The following IFT43 variants were observed in gnomAD, a reference collection of about 807,000 sequenced individuals.
IFT43 encodes the protein intraflagellar transport 43, also known as intraflagellar transport protein 43 homolog.
IFT43 carries 33 observed loss-of-function variants against 32.3 expected under a neutral mutation model. The ratio of observed to expected loss-of-function variants is 1.02; its 90% confidence interval spans 0.77 to 1.37. The LOEUF (loss-of-function observed/expected upper bound fraction) is 1.37. Among genes scored for constraint, IFT43 ranks in the 40% most tolerant of loss-of-function variants. The pLI, the probability that IFT43 is intolerant of heterozygous loss-of-function variation, is 0.00. For synonymous variants in IFT43, 93 were observed against 98.2 expected (o/e 0.95, Z 0.31); for missense variants, 274 against 265.9 (o/e 1.03, Z -0.21).
At chr14:75,989,211 CT>C (rs1413536504) in intron 2 of IFT43, among the ~76,000 whole-genome samples, 1 of 152,118 alleles carries the variant, frequency 6.6e-6, no homozygotes, top group Non-Finnish European at 1.5e-5. Context: ...TAATGTAGAA[CT>C]TTTTATGTTA....
At position 76,058,622 on chromosome 14, in the gene IFT43, C is replaced by A. The variant is rs1340938691; in HGVS notation, c.216-20C>A. 1 of 1,591,386 alleles carries A rather than the reference C, an allele frequency of 6.3e-7. No individual in the cohort carries two copies. The highest frequency in any genetic ancestry group is 8.5e-7 in the Non-Finnish European group (1 of 1,171,900). On this transcript the variant is annotated intron_variant, in intron 3 of 8. Transcript: ENST00000314067. ...ACTAGTGGGCTCTCAAAAACCTTGT[C>A]TTTTCTTTTTTTTTTTCAGGTTTAG...
intron 5 of IFT43, among the ~76,000 whole-genome samples, chr14:76,077,406 C>T (rs2037430777): frequency 6.6e-6 from 1 of 152,194 alleles, no homozygotes; most frequent in Admixed American, 6.5e-5. Context: ...TGACATGGCT[C>T]TTCTGTGTGT....
intron 5 of IFT43, among the ~76,000 whole-genome samples, chr14:76,073,588 C>T (rs189963596): frequency 1.6e-4 from 24 of 152,108 alleles, no homozygotes; most frequent in Admixed American, 1.0e-3. Context: ...TGTGTGTGTG[C>T]GCATGTGCAC....
intron 3 of IFT43, among the ~76,000 whole-genome samples, chr14:76,041,468 A>G (rs1009747441): frequency 1.2e-4 from 19 of 152,186 alleles, no homozygotes; most frequent in Non-Finnish European, 2.2e-4. Context: ...GTGAAATTCT[A>G]GTGTTTCTGT....
At chr14:76,021,679 A>C (rs1429045393) in intron 2 of IFT43, among the ~76,000 whole-genome samples, 3 of 152,142 alleles carry the variant, frequency 2.0e-5, no homozygotes, top group Non-Finnish European at 4.4e-5. Context: ...GCTATTCACT[A>C]CTCAAAAATA....
At chr14:76,071,415 T>C (rs550759287) in intron 5 of IFT43, among the ~76,000 whole-genome samples, 102 of 152,340 alleles carry the variant, frequency 6.7e-4, no homozygotes, top group Non-Finnish European at 9.7e-4. Flanking sequence ...ACCAAAACTT[T>C]ATGAAGTTAA....
chr14:75,993,041 C>T (rs2035673306), intron 2 of IFT43, among the ~76,000 whole-genome samples: 1 of 152,124 alleles, frequency 6.6e-6, no homozygotes, highest in South Asian at 2.1e-4. Context: ...ATATTCCATA[C>T]TTCATAGGAT....
chr14:76,022,749 A>AT (rs895850516), intron 3 of IFT43: 92 of 172,842 alleles, frequency 5.3e-4, no homozygotes, highest in African/African-American at 2.1e-3. Context: ...TACAATCTAC[A>AT]TTATGTGGTC....
intron 2 of IFT43, among the ~76,000 whole-genome samples, chr14:76,006,855 ATTTT>A (rs35845700): frequency 8.0e-6 from 1 of 124,428 alleles, no homozygotes; most frequent in African/African-American, 3.0e-5. Context: ...TACTGGGGAC[ATTTT>A]TTTTTTTTTT....
intron 5 of IFT43, among the ~76,000 whole-genome samples, chr14:76,079,343 C>T (rs1382388674): frequency 6.6e-6 from 1 of 152,148 alleles, no homozygotes; most frequent in African/African-American, 2.4e-5. Context: ...CGGTGAAGTC[C>T]ATAAGAATGG....
intron 2 of IFT43, among the ~76,000 whole-genome samples, chr14:76,012,602 C>T (rs1302104705): frequency 2.0e-5 from 3 of 152,178 alleles, no homozygotes; most frequent in East Asian, 3.8e-4. Context: ...CAGGGTCCTG[C>T]CCCCTCCGTC....
At chr14:75,991,707 T>C (rs2035646968) in intron 2 of IFT43, among the ~76,000 whole-genome samples, 1 of 152,174 alleles carries the variant, frequency 6.6e-6, no homozygotes, top group Non-Finnish European at 1.5e-5. Flanking sequence ...TACCTACTTA[T>C]TTCGAGGTTT....
intron 3 of IFT43, among the ~76,000 whole-genome samples, chr14:76,051,406 G>T (rs947576273): frequency 2.6e-5 from 4 of 151,856 alleles, no homozygotes; most frequent in Non-Finnish European, 5.9e-5. Context: ...AGAGCAGAGG[G>T]ACCCCAATTA....
chr14:76,050,320 A>C (rs1019670070), intron 3 of IFT43, among the ~76,000 whole-genome samples: 2 of 152,174 alleles, frequency 1.3e-5, no homozygotes, highest in Non-Finnish European at 2.9e-5. Flanking sequence ...TGGAGCCTTC[A>C]TTAGATCTCT....
At chr14:75,992,886 A>G (rs1014037609) in intron 2 of IFT43, among the ~76,000 whole-genome samples, 1 of 152,176 alleles carries the variant, frequency 6.6e-6, no homozygotes, top group African/African-American at 2.4e-5. Flanking sequence ...GCGTTTCTTA[A>G]GAGTCTGTAA....
chr14:76,028,285 G>A (rs76176518), intron 3 of IFT43, among the ~76,000 whole-genome samples: 2,141 of 152,112 alleles, frequency 0.014, 55 homozygotes, highest in African/African-American at 0.045. Flanking sequence ...TGGTTTTAGC[G>A]TCCATTAATG....
At chr14:75,998,467 A>G (rs972380807) in intron 2 of IFT43, among the ~76,000 whole-genome samples, 4 of 152,258 alleles carry the variant, frequency 2.6e-5, no homozygotes, top group Admixed American at 2.0e-4. Flanking sequence ...GTGGACGAAC[A>G]GACAGAAGCT....
At chr14:76,062,938 A>AAAAAAAAAAAAAAAAAAAAG (rs1485146040) in intron 5 of IFT43, among the ~76,000 whole-genome samples, 1 of 120,832 alleles carries the variant, frequency 8.3e-6, no homozygotes, top group African/African-American at 3.3e-5. Flanking sequence ...AAAAAAAAAA[A>AAAAAAAAAAAAAAAAAAAAG]AAAGAAAATA....
chr14:76,063,626 A>G (rs1275781154), intron 5 of IFT43, among the ~76,000 whole-genome samples: 1 of 152,188 alleles, frequency 6.6e-6, no homozygotes, highest in Non-Finnish European at 1.5e-5. Flanking sequence ...CAGTAGTACC[A>G]TGTATTTTTC....
Sources: gnomAD v4.1 joint callset for allele counts (sites outside exome capture counted in the v4.1 genomes callset) on GRCh38, gnomAD v4.1.1 for gene constraint, MANE v1.5 for transcripts, NCBI Gene and HGNC (gene_info 2026-07-23, HGNC 2026-07-21) for gene names.